The following SPSB1 variants were observed in gnomAD, a reference collection of about 807,000 sequenced individuals.
SPSB1 encodes SPRY domain-containing SOCS box protein 1.
A neutral mutation model predicts 21.2 loss-of-function variants in SPSB1; 8 were observed. The observed-to-expected ratio is 0.38, with a 90% CI of 0.22 to 0.68. SPSB1 has a LOEUF of 0.68. Among genes scored for constraint, SPSB1 ranks in the 30% least tolerant of loss-of-function variants. SPSB1 has a pLI of 0.53. For synonymous variants in SPSB1, 169 were observed against 161.7 expected, an observed-to-expected ratio of 1.05 and a Z score of -0.34; for missense variants, 242 against 377.8, an observed-to-expected ratio of 0.64 and a Z score of 2.98.
intron 1 of SPSB1, among the ~76,000 whole-genome samples, chr1:9,312,412 T>C (rs1460570171): frequency 3.9e-5 from 6 of 152,176 alleles, no homozygotes; most frequent in Non-Finnish European, 7.3e-5. Context: ...GGTTCTTTCG[T>C]AACAGCCCTG....
At chr1:9,349,989 C>T (rs1219135978) in intron 1 of SPSB1, among the ~76,000 whole-genome samples, 2 of 152,140 alleles carry the variant, frequency 1.3e-5, no homozygotes, top group East Asian at 1.9e-4. Context: ...ACACGACACA[C>T]GTGTACCTAC....
Position 9,321,147 on chromosome 1 carries a change from C to T in SPSB1, c.-150+28076C>T, listed in dbSNP as rs927707232. On this transcript the variant is annotated intron_variant, in intron 1 of 2. Transcript: ENST00000328089. This position sits in a 1 kb window ranked among gnomAD's most constrained non-coding sequence, Gnocchi z 4.8. ...AAGAAAACAACAACCAAAAAATCCC[C>T]CCAAAACACAAAGCTGGAAAAAGCT... is the stretch of plus-strand genomic sequence containing the variant. Among the ~76,000 whole-genome samples the T allele has an allele frequency of 5.3e-5, 8 of 151,952 alleles. No individual in the cohort carries two copies. Among genetic ancestry groups the T allele is most frequent in the African/African-American group, 1.9e-4 (8 of 41,398 alleles).
intron 1 of SPSB1, among the ~76,000 whole-genome samples, chr1:9,340,217 C>T (rs1013478527): frequency 7.2e-5 from 11 of 152,192 alleles, no homozygotes; most frequent in African/African-American, 2.7e-4. Context: ...CAGGCTTTCT[C>T]TCCTGTCTGG....
At chr1:9,353,236 C>T (rs2100512652) in intron 1 of SPSB1, among the ~76,000 whole-genome samples, 1 of 152,124 alleles carries the variant, frequency 6.6e-6, no homozygotes, top group East Asian at 1.9e-4. Context: ...AGCCTTCCTA[C>T]AGCTCAGAAA....
intron 1 of SPSB1, among the ~76,000 whole-genome samples, chr1:9,328,381 TG>T (rs1639853746): frequency 1.3e-5 from 2 of 152,238 alleles, no homozygotes; most frequent in Non-Finnish European, 2.9e-5. Flanking sequence ...GTTTCTGTCC[TG>T]CGGGACTTCT....
At chr1:9,319,302 A>G (rs1033377) in intron 1 of SPSB1, among the ~76,000 whole-genome samples, 109,215 of 152,162 alleles carry the variant, frequency 0.72, 40,148 homozygotes, top group African/African-American at 0.83. Flanking sequence ...GCGGGTCAGC[A>G]TGTGGACATG....
chr1:9,292,994 C>T lies in SPSB1; in HGVS notation c.-227C>T, dbSNP rs1639144563. 5 of 983,216 alleles carry T rather than the reference C, an allele frequency of 5.1e-6. No individual in the cohort carries two copies. The highest frequency in any genetic ancestry group is 1.8e-5 in the African/African-American group (1 of 57,018). 60.9% of individuals were successfully genotyped at this position (983,216 alleles called of 1,614,324 possible). ...GCCGCGGGGAGGAGGCGACTTCGCT[C>T]CCTGCGGCGGGCGCGGCCCGGGCGC... On this transcript the variant is annotated 5_prime_UTR_variant, in exon 1 of 3. Coordinates refer to ENST00000328089, the MANE Select transcript of SPSB1 (RefSeq NM_025106.4).
chr1:9,297,912 T>C (rs1478275691), intron 1 of SPSB1, among the ~76,000 whole-genome samples: 1 of 152,150 alleles, frequency 6.6e-6, no homozygotes, highest in Non-Finnish European at 1.5e-5. Context: ...AATAGATTTG[T>C]GAGGGGGCCC....
chr1:9,356,020 G>A lies in SPSB1; in HGVS notation c.129G>A (p.Met43Ile), dbSNP rs1192071198. ...KPTRLDLLLD[M>I]PPVSYDVQLL... is the part of the protein sequence containing the mutation. ...CCCGGCTGGATCTGCTACTGGACAT[G>A]CCCCCTGTGTCCTATGATGTCCAGC... The change falls in exon 2 of 3, where the codon ATG (methionine) becomes ATA (isoleucine). Residue 43 changes from methionine to isoleucine, a missense_variant. Transcript: ENST00000328089. This position sits in a 1 kb window ranked among gnomAD's most constrained non-coding sequence, Gnocchi z 7.4. The A allele has an allele frequency of 1.2e-6, 2 of 1,614,124 alleles. No individual in the cohort carries two copies. Among genetic ancestry groups the A allele is most frequent in the East Asian group, 2.2e-5 (1 of 44,880 alleles).
Position 9,346,476 on chromosome 1 carries a change from A to G in SPSB1, c.-149-9267A>G. ...TGGCTACATCCCCAAAAGAGGGTGT[A>G]GCCGTTCCTTCAACAGACCTCTTCC... On this transcript the variant is annotated intron_variant, in intron 1 of 2. Transcript: ENST00000328089. This position sits in a 1 kb window ranked among gnomAD's most constrained non-coding sequence, Gnocchi z 4.4. Among the ~76,000 whole-genome samples, 1 of 152,174 alleles carries G rather than the reference A, an allele frequency of 6.6e-6. No homozygotes were observed. The highest frequency in any genetic ancestry group is 1.5e-5 in the Non-Finnish European group (1 of 68,042).
At position 9,346,586 on chromosome 1, in the gene SPSB1, G is replaced by T. The variant is rs1640169057; in HGVS notation, c.-149-9157G>T. 6.6e-6 allele frequency among the ~76,000 whole-genome samples: 1 copy of T among 152,248 alleles called. No individual in the cohort carries two copies. Among genetic ancestry groups the T allele is most frequent in the African/African-American group, 2.4e-5 (1 of 41,454 alleles). On this transcript the variant is annotated intron_variant, in intron 1 of 2. Transcript: ENST00000328089. The surrounding 1 kb of genome is among the most constrained non-coding windows in gnomAD (Gnocchi z 4.4). ...TGAAAGCATTTTGGGGGAAGGTGGG[G>T]TCTGCAGGGTTGTGGCTTTAATTGA...
In SPSB1 at chr1:9,305,126, C is replaced by T. The variant is rs1419280414; in HGVS notation, c.-150+12055C>T. Among the ~76,000 whole-genome samples the T allele has an allele frequency of 6.6e-6, 1 of 152,118 alleles. No individual in the cohort carries two copies. Among genetic ancestry groups the T allele is most frequent in the Non-Finnish European group, 1.5e-5 (1 of 67,988 alleles). The stretch of plus-strand genomic sequence containing the variant: ...GGCCCATCTGCCCCCTCAGGAGAGT[C>T]CCTCTCCTCCCTTATAGCCTCAGCC... On this transcript the variant is annotated intron_variant, in intron 1 of 2. Transcript: ENST00000328089. This position sits in a 1 kb window ranked among gnomAD's most constrained non-coding sequence, Gnocchi z 4.8.
chr1:9,293,179 AC>A lies in SPSB1; in HGVS notation c.-150+110del, dbSNP rs1228120946. ...GACGCGGGGATCGCGCCGCTGGGGG[AC>A]CGAGTGGGTGGCGCGGGGCCGGGCG... On this transcript the variant is annotated intron_variant, in intron 1 of 2. Coordinates refer to ENST00000328089, the MANE Select transcript of SPSB1 (RefSeq NM_025106.4). The surrounding 1 kb of genome is among the most constrained non-coding windows in gnomAD (Gnocchi z 5.1). The A allele has an allele frequency of 1.0e-6, 1 of 958,704 alleles. No individual in the cohort carries two copies. Among genetic ancestry groups the A allele is most frequent in the Non-Finnish European group, 1.2e-6 (1 of 809,008 alleles). 59.4% of individuals were successfully genotyped at this position (958,704 alleles called of 1,614,324 possible).
At chr1:9,299,963 CAAA>C (rs549304734) in intron 1 of SPSB1, among the ~76,000 whole-genome samples, 79 of 88,320 alleles carry the variant, frequency 8.9e-4, no homozygotes, top group African/African-American at 2.4e-3. Flanking sequence ...GACCCTGTCT[CAAA>C]AAAAAAAAAA....
chr1:9,354,291 G>A (rs148442962), intron 1 of SPSB1, among the ~76,000 whole-genome samples: 212 of 152,228 alleles, frequency 1.4e-3, no homozygotes, highest in African/African-American at 4.5e-3. Flanking sequence ...GCGACCCAGC[G>A]TGACTCTCTC....
chr1:9,357,970 G>A (rs1640401985), intron 2 of SPSB1, among the ~76,000 whole-genome samples: 1 of 152,168 alleles, frequency 6.6e-6, no homozygotes, highest in African/African-American at 2.4e-5. Context: ...GGCAGGTTCA[G>A]CTCAGCACCC....
chr1:9,347,648 C>T (rs1318903946), intron 1 of SPSB1, among the ~76,000 whole-genome samples: 3 of 152,328 alleles, frequency 2.0e-5, no homozygotes, highest in East Asian at 1.9e-4. Context: ...TTTTCTGTTA[C>T]GTCACCACTT....
At chr1:9,297,388 A>C (rs1206207985) in intron 1 of SPSB1, among the ~76,000 whole-genome samples, 1 of 152,174 alleles carries the variant, frequency 6.6e-6, no homozygotes, top group Non-Finnish European at 1.5e-5. Flanking sequence ...CAAGGGCTTG[A>C]CGGGTGCCCC....
chr1:9,328,141 C>T (rs1003809717), intron 1 of SPSB1, among the ~76,000 whole-genome samples: 3 of 152,240 alleles, frequency 2.0e-5, no homozygotes, highest in African/African-American at 7.2e-5. Flanking sequence ...CACACCTTTA[C>T]ACCCCCTCCT....
Sources: gnomAD v4.1 joint callset for allele counts (sites outside exome capture counted in the v4.1 genomes callset) on GRCh38, gnomAD v4.1.1 for gene constraint, Gnocchi (gnomAD v3.1) non-coding constraint, MANE v1.5 for transcripts, NCBI Gene and HGNC (gene_info 2026-07-23, HGNC 2026-07-21) for gene names.